The following SIRT3 variants were observed in gnomAD, a reference collection of about 807,000 sequenced individuals.
SIRT3 encodes sirtuin 3.
A neutral mutation model predicts 33.5 loss-of-function variants in SIRT3; 26 were observed. The ratio of observed to expected loss-of-function variants is 0.78; its 90% CI spans 0.57 to 1.08. The LOEUF is 1.08. Ranked by LOEUF, SIRT3 falls within the 50% of genes least tolerant of loss-of-function variation. The pLI, the probability that SIRT3 is intolerant of heterozygous loss-of-function variation, is 0.00. For synonymous variants in SIRT3, 237 were observed against 222.1 expected (o/e 1.07, Z -0.60); for missense variants, 585 against 530.1 (o/e 1.10, Z -1.02).
chr11:216,689 G>C lies in SIRT3; in HGVS notation c.*9C>G, dbSNP rs768403911. 2 of 1,613,952 alleles carry C rather than the reference G, an allele frequency of 1.2e-6. No individual in the cohort carries two copies. The highest frequency in any genetic ancestry group is 1.7e-6 in the Non-Finnish European group (2 of 1,179,890). On this transcript the variant is annotated 3_prime_UTR_variant, in exon 7 of 7. Coordinates refer to ENST00000382743, the MANE Select transcript of SIRT3 (RefSeq NM_012239.6). ...TGTTACCATTTATTGTGTGGGGGCA[G>C]CCATCATCCTATTTGTCTGGTCCAT...
At chr11:230,061 C>G (rs1857703486) in intron 4 of SIRT3, among the ~76,000 whole-genome samples, 1 of 151,716 alleles carries the variant, frequency 6.6e-6, no homozygotes, top group Non-Finnish European at 1.5e-5. Context: ...AAAAGGCCAT[C>G]TGATTGCCGG....
In SIRT3 at chr11:236,045, T is replaced by C. The variant is rs1207315798; in HGVS notation, c.281+3A>G. 2 of 1,510,806 alleles carry C rather than the reference T, an allele frequency of 1.3e-6. No individual in the cohort carries two copies. Among genetic ancestry groups the C allele is most frequent in the Non-Finnish European group, 1.8e-6 (2 of 1,129,930 alleles). The allele number at this position is 1,510,806 out of a possible 1,614,324, so 93.6% of individuals were successfully genotyped here. A position where few individuals can be genotyped will look rare whatever the true frequency, so the allele number is the denominator to read the frequency against. ...AAGAAGTGCTTGTCCTTGCCCAAAA[T>C]ACCTCGAAAAGAAGAAACTGGGAGC... On this transcript the variant is annotated splice_donor_region_variant and intron_variant, in intron 1 of 6. Coordinates refer to ENST00000382743, the MANE Select transcript of SIRT3 (RefSeq NM_012239.6).
chr11:232,965 G>T lies in SIRT3; in HGVS notation c.706+18C>A. ...TCCGTGGGAGAAAAAGAATGTGTGC[G>T]ACTCACAGAGGGCTCACCTCTCTCA... On this transcript the variant is annotated intron_variant, in intron 3 of 6. Transcript: ENST00000382743. The T allele has an allele frequency of 6.2e-7, 1 of 1,608,772 alleles. No individual in the cohort carries two copies. Among genetic ancestry groups the T allele is most frequent in the South Asian group, 1.1e-5 (1 of 90,858 alleles).
intron 6 of SIRT3, among the ~76,000 whole-genome samples, chr11:218,437 C>T (rs1044063191): frequency 1.3e-5 from 2 of 152,228 alleles, no homozygotes; most frequent in African/African-American, 4.8e-5. Flanking sequence ...CTCATGTAGC[C>T]TTCATCCCAC....
At chr11:234,956 C>T (rs1858738994) in intron 1 of SIRT3, among the ~76,000 whole-genome samples, 1 of 151,960 alleles carries the variant, frequency 6.6e-6, no homozygotes, top group Admixed American at 6.6e-5. Flanking sequence ...CGGCTCACTG[C>T]AACCTCTGCC....
Position 233,550 on chromosome 11 carries a change from A to G in SIRT3, c.282-16T>C. ...ACCTTTAATACTGACAGAAAAAAAC[A>G]CAGCAGCAAAGGAAACAGATAGCAA... is the stretch of plus-strand genomic sequence containing the variant. On this transcript the variant is annotated splice_polypyrimidine_tract_variant and intron_variant, in intron 1 of 6. Transcript: ENST00000382743. 1 of 1,612,904 alleles carries G rather than the reference A, an allele frequency of 6.2e-7. No individual in the cohort carries two copies.
chr11:229,331 GCTA>G (rs772644552), intron 4 of SIRT3, among the ~76,000 whole-genome samples: 3 of 152,028 alleles, frequency 2.0e-5, no homozygotes, highest in East Asian at 1.9e-4. Flanking sequence ...TGTAGTCCCA[GCTA>G]CTCAGGAAGC....
At chr11:225,077 A>C (rs1422396763) in intron 4 of SIRT3, among the ~76,000 whole-genome samples, 1 of 132,032 alleles carries the variant, frequency 7.6e-6, no homozygotes, top group Non-Finnish European at 1.6e-5. Context: ...GGGGTATAGC[A>C]AAAAAAAAAA....
Position 224,144 on chromosome 11 carries a change from C to T in SIRT3, c.903G>A (p.Arg301=), listed in dbSNP as rs200105251. The T allele has an allele frequency of 6.2e-7, 1 of 1,614,198 alleles. No individual in the cohort carries two copies. Among genetic ancestry groups the T allele is most frequent in the Non-Finnish European group, 8.5e-7 (1 of 1,180,044 alleles). Residue 301 remains arginine, a synonymous_variant, in exon 5 of 7, where the codon AGG becomes AGA. Coordinates refer to ENST00000382743, the MANE Select transcript of SIRT3 (RefSeq NM_012239.6). ...GGAAATCAACCACATGCAGCAAGAA[C>T]CTCTGGGGCAGCGGCTCCCCAAAGA... ...IVFFGEPLPQ[R]FLLHVVDFPM...
rs564175133 is a variant in SIRT3 at position 234,846 on chromosome 11, A to G, written c.281+1202T>C. Among the ~76,000 whole-genome samples, 117 of 152,194 alleles carry G rather than the reference A, an allele frequency of 7.7e-4. 1 individual carries two copies. In the South Asian group the frequency reaches 0.012, roughly 16 times the overall value. On this transcript the variant is annotated intron_variant, in intron 1 of 6. Coordinates refer to ENST00000382743, the MANE Select transcript of SIRT3 (RefSeq NM_012239.6). ...TCTGGCACAGAATAAGAGCTCAGTC[A>G]GGGCTTCTTGGATGAACGACTGACT...
At chr11:218,441 A>ATCCC (rs1218657143) in intron 6 of SIRT3, among the ~76,000 whole-genome samples, 1 of 152,224 alleles carries the variant, frequency 6.6e-6, no homozygotes, top group Non-Finnish European at 1.5e-5. Context: ...TGTAGCCTTC[A>ATCCC]TCCCACATAG....
upstream of SIRT3, chr11:236,345 G>A (rs1859122761): frequency 1.1e-5 from 15 of 1,326,800 alleles, no homozygotes; most frequent in South Asian, 5.5e-5. Context: ...CGCAGTCCAA[G>A]GAGTCCTCCG....
chr11:232,884 AT>A, intron 3 of SIRT3, 98 bp downstream of exon 3: 1 of 1,141,398 alleles, frequency 8.8e-7, no homozygotes, highest in South Asian at 1.4e-5. Context: ...GCACCCGAGC[AT>A]CCCCTGTGAG....
At chr11:221,412 A>G (rs1350314275) in intron 5 of SIRT3, among the ~76,000 whole-genome samples, 1 of 152,220 alleles carries the variant, frequency 6.6e-6, no homozygotes, top group Non-Finnish European at 1.5e-5. Flanking sequence ...TGCCTGGCCC[A>G]GCATTACTTT....
chr11:220,241 A>T (rs1471838824), intron 5 of SIRT3, among the ~76,000 whole-genome samples: 1 of 151,416 alleles, frequency 6.6e-6, no homozygotes, highest in African/African-American at 2.4e-5. Context: ...GAGGCAGGAG[A>T]ATGGCTTGAG....
intron 6 of SIRT3, among the ~76,000 whole-genome samples, chr11:217,199 C>T (rs947595831): frequency 6.6e-6 from 1 of 152,230 alleles, no homozygotes; most frequent in African/African-American, 2.4e-5. Context: ...CCTATAATCC[C>T]AGCACTTTGG....
intron 6 of SIRT3, among the ~76,000 whole-genome samples, chr11:218,343 A>G (rs953401464): frequency 6.6e-6 from 1 of 152,212 alleles, no homozygotes; most frequent in Non-Finnish European, 1.5e-5. Flanking sequence ...GAAATCTCTT[A>G]GAAAGCATCA....
chr11:228,986 T>C (rs1315779161), intron 4 of SIRT3, among the ~76,000 whole-genome samples: 1 of 152,164 alleles, frequency 6.6e-6, no homozygotes, highest in African/African-American at 2.4e-5. Flanking sequence ...CATGAATCAT[T>C]AGGAAAATGC....
At chr11:217,009 G>A (rs1482457534) in intron 6 of SIRT3, among the ~76,000 whole-genome samples, 1 of 152,170 alleles carries the variant, frequency 6.6e-6, no homozygotes, top group African/African-American at 2.4e-5. Flanking sequence ...TAACCCCTTG[G>A]ATAGTAATGC....
Sources: allele counts gnomAD v4.1 joint callset (sites outside exome capture counted in the v4.1 genomes callset), GRCh38; gene constraint gnomAD v4.1.1; transcripts MANE v1.5; gene names NCBI Gene and HGNC (gene_info 2026-07-23, HGNC 2026-07-21).